Variants in CNTLN observed in about 807,000 individuals in gnomAD.
CNTLN encodes centlein.
Under a neutral mutation model 180.0 loss-of-function variants are expected in CNTLN, and 212 were observed. That is an observed-to-expected ratio of 1.18 (90% CI 1.05 to 1.32). The LOEUF (loss-of-function observed/expected upper bound fraction) is 1.32. Among genes scored for constraint, CNTLN ranks in the 40% most tolerant of loss-of-function variants. The pLI, the probability that CNTLN is intolerant of heterozygous loss-of-function variation, is 0.00. For synonymous variants in CNTLN, 722 were observed against 563.1 expected, an observed-to-expected ratio of 1.28 and a Z score of -3.99; for missense variants, 2,095 against 1,610.9, an observed-to-expected ratio of 1.30 and a Z score of -5.14.
intron 2 of CNTLN, among the ~76,000 whole-genome samples, chr9:17,164,764 A>T (rs2131609787): frequency 6.7e-6 from 1 of 150,290 alleles, no homozygotes; most frequent in Non-Finnish European, 1.5e-5. Context: ...CCTTATTTTT[A>T]TGTAAGACTT....
chr9:17,445,783 G>T (rs1177532335), intron 18 of CNTLN, among the ~76,000 whole-genome samples: 2 of 152,124 alleles, frequency 1.3e-5, no homozygotes, highest in Admixed American at 1.3e-4. Flanking sequence ...CACCCGTAAA[G>T]GGTCTGTGCT....
chr9:17,431,918 T>C (rs1829441530), intron 18 of CNTLN, among the ~76,000 whole-genome samples: 1 of 152,218 alleles, frequency 6.6e-6, no homozygotes, highest in African/African-American at 2.4e-5. Context: ...AAGCATCTTA[T>C]TAAAGCACTT....
chr9:17,284,400 T>G (rs1018541161), intron 6 of CNTLN, among the ~76,000 whole-genome samples: 1 of 152,144 alleles, frequency 6.6e-6, no homozygotes, highest in African/African-American at 2.4e-5. Flanking sequence ...ATGGGCTTTT[T>G]TTTGGCTGGT....
At chr9:17,407,495 A>C (rs1827485493) in intron 15 of CNTLN, among the ~76,000 whole-genome samples, 1 of 152,236 alleles carries the variant, frequency 6.6e-6, no homozygotes, top group Admixed American at 6.5e-5. Context: ...AATAGAATCA[A>C]GATCCCCAAA....
At chr9:17,272,943 T>C (rs1177256098) in intron 5 of CNTLN, among the ~76,000 whole-genome samples, 2 of 152,106 alleles carry the variant, frequency 1.3e-5, no homozygotes, top group Non-Finnish European at 2.9e-5. Flanking sequence ...CCTTCCTCCA[T>C]CTAGTTGTTT....
chr9:17,304,924 T>C (rs1434103027), intron 7 of CNTLN, among the ~76,000 whole-genome samples: 2 of 152,088 alleles, frequency 1.3e-5, no homozygotes, highest in Non-Finnish European at 2.9e-5. Context: ...TTTTATTCAC[T>C]TGGGTCCTGG....
At chr9:17,362,959 A>C (rs576470512) in intron 12 of CNTLN, among the ~76,000 whole-genome samples, 1 of 151,424 alleles carries the variant, frequency 6.6e-6, no homozygotes, top group African/African-American at 2.4e-5. Context: ...TCATTGTCCA[A>C]CTCCCACTTA....
At position 17,174,532 on chromosome 9, in the gene CNTLN, C is replaced by T. The variant is rs563386828; in HGVS notation, c.449+31156C>T. Among the ~76,000 whole-genome samples, 19 of 152,010 alleles carry T rather than the reference C, an allele frequency of 1.2e-4. 1 individual carries two copies. The highest frequency in any genetic ancestry group is 1.1e-3 in the Admixed American group (17 of 15,266). On this transcript the variant is annotated intron_variant, in intron 2 of 25. Coordinates refer to ENST00000380647, the MANE Select transcript of CNTLN (RefSeq NM_017738.4). ...CCAATATGGTGAAACCCCATCTCTA[C>T]CAAAAATATAAAAATTAGCCGGACG...
chr9:17,312,345 A>ATT (rs1469103693), intron 8 of CNTLN, among the ~76,000 whole-genome samples: 13 of 14,606 alleles, frequency 8.9e-4, no homozygotes, highest in Admixed American at 4.1e-3. Flanking sequence ...TACTGTATTT[A>ATT]TATATATATA....
At chr9:17,227,105 C>T (rs1430326457) in intron 3 of CNTLN, among the ~76,000 whole-genome samples, 5 of 151,474 alleles carry the variant, frequency 3.3e-5, no homozygotes, top group African/African-American at 1.2e-4. Flanking sequence ...TTTTAAACAA[C>T]GAGAGCTCAT....
At chr9:17,222,575 T>G (rs934184249) in intron 2 of CNTLN, among the ~76,000 whole-genome samples, 6 of 152,048 alleles carry the variant, frequency 3.9e-5, no homozygotes, top group African/African-American at 1.4e-4. Flanking sequence ...GTGTAAGAAG[T>G]ACCTTTCACC....
intron 25 of CNTLN, among the ~76,000 whole-genome samples, chr9:17,488,183 T>C (rs1832983101): frequency 6.6e-6 from 1 of 152,178 alleles, no homozygotes; most frequent in African/African-American, 2.4e-5. Flanking sequence ...CAACAATTCA[T>C]GTTAGTATCA....
intron 2 of CNTLN, among the ~76,000 whole-genome samples, chr9:17,157,700 C>G (rs535512884): frequency 6.6e-6 from 1 of 152,246 alleles, no homozygotes. Flanking sequence ...GTTGAATTTG[C>G]TCTCTGCTAT....
chr9:17,415,657 G>A (rs1050030850), intron 16 of CNTLN, 131 bp from the exon 17 acceptor site: 2 of 650,926 alleles, frequency 3.1e-6, no homozygotes, highest in Non-Finnish European at 5.4e-6. Context: ...TCCTGCCTTG[G>A]TCTCCCACAG....
At chr9:17,500,930 C>T (rs1184974156) in intron 25 of CNTLN, among the ~76,000 whole-genome samples, 1 of 152,166 alleles carries the variant, frequency 6.6e-6, no homozygotes, top group Non-Finnish European at 1.5e-5. Flanking sequence ...CTCTTTTTTA[C>T]ATCCAAGAAA....
At chr9:17,233,587 G>T (rs1281870881) in intron 3 of CNTLN, among the ~76,000 whole-genome samples, 1 of 152,136 alleles carries the variant, frequency 6.6e-6, no homozygotes, top group Non-Finnish European at 1.5e-5. Context: ...TTGCAGTCAT[G>T]CTGAAGAGTG....
At position 17,283,424 on chromosome 9, in the gene CNTLN, T is replaced by C. The variant is rs183143324; in HGVS notation, c.983+9558T>C. ...GTCTATTGTTAGTGTATGGGAATGCTTGTGATTTTTGCAGTTGATTTTGTA... is the reference window on the plus strand; with the variant it reads ...GTCTATTGTTAGTGTATGGGAATGCCTGTGATTTTTGCAGTTGATTTTGTA... On this transcript the variant is annotated intron_variant, in intron 6 of 25. Transcript: ENST00000380647. Among the ~76,000 whole-genome samples the C allele has an allele frequency of 6.6e-5, 10 of 152,248 alleles. No individual in the cohort carries two copies. In the East Asian group the frequency reaches 1.9e-3, roughly 29 times the overall value.
At chr9:17,476,843 T>C (rs1832376676) in intron 23 of CNTLN, among the ~76,000 whole-genome samples, 1 of 152,206 alleles carries the variant, frequency 6.6e-6, no homozygotes, top group Non-Finnish European at 1.5e-5. Context: ...AAGATCTAGG[T>C]AAGATAACTG....
At chr9:17,264,608 A>G (rs867625421) in intron 5 of CNTLN, among the ~76,000 whole-genome samples, 6 of 152,060 alleles carry the variant, frequency 3.9e-5, no homozygotes, top group South Asian at 2.1e-4. Context: ...GATGGGGATG[A>G]CATTGAATCT....
Sources: allele counts gnomAD v4.1 joint callset (sites outside exome capture counted in the v4.1 genomes callset), GRCh38; gene constraint gnomAD v4.1.1; transcripts MANE v1.5; gene names NCBI Gene and HGNC (gene_info 2026-07-23, HGNC 2026-07-21).